The following BCAT1 variants were observed in gnomAD, a reference collection of about 807,000 sequenced individuals.
The protein encoded by BCAT1 is branched-chain-amino-acid aminotransferase, cytosolic.
Under a neutral mutation model 52.4 loss-of-function variants are expected in BCAT1, and 48 were observed. The ratio of observed to expected loss-of-function variants is 0.92; its 90% CI spans 0.73 to 1.16. BCAT1 has a LOEUF of 1.16. Among genes scored for constraint, BCAT1 ranks in the 50% most tolerant of loss-of-function variants. The probability of loss-of-function intolerance (pLI) is 0.00; values close to 1 mark genes in which losing one functional copy is unlikely to be tolerated. For missense variants in BCAT1, 451 were observed against 457.1 expected, an observed-to-expected ratio of 0.99 and a Z score of 0.12; for synonymous variants, 167 against 161.3, an observed-to-expected ratio of 1.04 and a Z score of -0.27.
At chr12:24,858,048 C>T (rs1941743381) in intron 5 of BCAT1, among the ~76,000 whole-genome samples, 1 of 152,136 alleles carries the variant, frequency 6.6e-6, no homozygotes, top group Admixed American at 6.5e-5. Context: ...AAAATGAGAT[C>T]TGTAATTTTG....
At position 24,813,631 on chromosome 12, in the gene BCAT1, T is replaced by C. The variant is rs1044998858; in HGVS notation, c.*4377A>G. On this transcript the variant is annotated 3_prime_UTR_variant, in exon 11 of 11. Transcript: ENST00000261192. ...CATGTACTAGGTTGGTAGTAAATAG[T>C]AAAGAAAGAGAAGGTAATTCACACC... 3 of 152,010 alleles carry C rather than the reference T, an allele frequency of 2.0e-5. No individual in the cohort carries two copies. The highest frequency in any genetic ancestry group is 4.4e-5 in the Non-Finnish European group (3 of 67,924). The allele number at this position is 152,010 out of a possible 1,614,324, so 9.4% of individuals were successfully genotyped here. A position where few individuals can be genotyped will look rare whatever the true frequency, so the allele number is the denominator to read the frequency against.
intron 8 of BCAT1, 138 bp downstream of exon 8, chr12:24,836,373 C>A (rs919637748): frequency 2.7e-6 from 2 of 744,016 alleles, no homozygotes; most frequent in East Asian, 2.7e-5. Flanking sequence ...TAGAAGAATA[C>A]TTTTCATTCA....
At chr12:24,832,931 T>C (rs897719073) in intron 8 of BCAT1, 68 bp from the exon 9 acceptor site, 1 of 1,435,972 alleles carries the variant, frequency 7.0e-7, no homozygotes, top group Non-Finnish European at 9.4e-7. Context: ...TTGCAATACT[T>C]ACTGTTCTGC....
In BCAT1 at chr12:24,897,534, G is replaced by A. The variant is rs980449630; in HGVS notation, c.79-3059C>T. 5.3e-5 allele frequency among the ~76,000 whole-genome samples: 8 copies of A among 152,118 alleles called. No individual in the cohort carries two copies. The East Asian group carries it at 1.2e-3, about 22-fold the overall frequency. On this transcript the variant is annotated intron_variant, in intron 2 of 10. Coordinates refer to ENST00000261192, the MANE Select transcript of BCAT1 (RefSeq NM_005504.7). ...ACTTTCTGATTTGTACCTAAGCACT[G>A]CCCTGTATCCAGTTTTGTTTTGTTT... is the stretch of plus-strand genomic sequence containing the variant.
At chr12:24,829,427 G>A (rs1940552487) in intron 10 of BCAT1, among the ~76,000 whole-genome samples, 1 of 152,132 alleles carries the variant, frequency 6.6e-6, no homozygotes, top group Admixed American at 6.6e-5. Flanking sequence ...TTATATCTCA[G>A]TGTTGGAATC....
At chr12:24,941,752 T>C (rs894149923) in intron 1 of BCAT1, among the ~76,000 whole-genome samples, 1 of 152,212 alleles carries the variant, frequency 6.6e-6, no homozygotes, top group African/African-American at 2.4e-5. Flanking sequence ...GACTTCAAAA[T>C]GTAAATCTAT....
chr12:24,822,037 G>A (rs951348860), intron 10 of BCAT1, among the ~76,000 whole-genome samples: 3 of 152,170 alleles, frequency 2.0e-5, no homozygotes, highest in Non-Finnish European at 4.4e-5. Flanking sequence ...GCAAAGGTGA[G>A]TATGATGGTG....
intron 1 of BCAT1, among the ~76,000 whole-genome samples, chr12:24,944,489 T>C (rs1317537874): frequency 6.6e-6 from 1 of 152,226 alleles, no homozygotes; most frequent in Non-Finnish European, 1.5e-5. Context: ...TGTGGAATGT[T>C]TGGTCTAGAA....
intron 1 of BCAT1, among the ~76,000 whole-genome samples, chr12:24,948,466 T>A (rs1343373406): frequency 3.3e-5 from 5 of 152,070 alleles, no homozygotes; most frequent in Non-Finnish European, 1.5e-5. Flanking sequence ...TCGTTCTCCC[T>A]CCCCTCTCCA....
rs1434384150 is a variant in BCAT1, at chr12:24,811,750, T to C, written c.*6258A>G. ...TCTTAAAAAGAATTTCAAGAATCAC[T>C]ACACAGCTAAGATATCTGAGACTTG... On this transcript the variant is annotated 3_prime_UTR_variant, in exon 11 of 11. Transcript: ENST00000261192. The C allele has an allele frequency of 6.6e-6, 1 of 152,172 alleles. No homozygotes were observed. The highest frequency in any genetic ancestry group is 1.5e-5 in the Non-Finnish European group (1 of 67,992). The allele number at this position is 152,172 out of a possible 1,614,324, so 9.4% of individuals were successfully genotyped here.
chr12:24,901,172 G>A (rs762676516), intron 2 of BCAT1, among the ~76,000 whole-genome samples: 12 of 152,160 alleles, frequency 7.9e-5, no homozygotes, highest in Non-Finnish European at 1.8e-4. Context: ...CAGGATGTGA[G>A]ATCATTAGGA....
At chr12:24,916,294 A>C (rs1175824017) in intron 1 of BCAT1, among the ~76,000 whole-genome samples, 3 of 152,212 alleles carry the variant, frequency 2.0e-5, no homozygotes, top group African/African-American at 7.2e-5. Flanking sequence ...TGGGCCTGTC[A>C]GAAAGTGACA....
chr12:24,948,869 G>A, intron 1 of BCAT1, 58 bp downstream of exon 1: 4 of 1,560,798 alleles, frequency 2.6e-6, no homozygotes, highest in Admixed American at 1.9e-5. Context: ...TGGAGAAATC[G>A]CCGGTTCGAT....
intron 1 of BCAT1, among the ~76,000 whole-genome samples, chr12:24,944,610 T>G (rs1209068553): frequency 2.0e-5 from 3 of 152,366 alleles, no homozygotes; most frequent in Non-Finnish European, 1.5e-5. Context: ...TATCCATTTA[T>G]AGTCAAAACA....
chr12:24,901,115 A>G (rs775178665), intron 2 of BCAT1, among the ~76,000 whole-genome samples: 3 of 152,288 alleles, frequency 2.0e-5, no homozygotes, highest in Admixed American at 1.3e-4. Context: ...AGAGAGCTCA[A>G]TGTGTGAGAA....
At chr12:24,842,530 T>C (rs895146279) in intron 6 of BCAT1, among the ~76,000 whole-genome samples, 1 of 151,530 alleles carries the variant, frequency 6.6e-6, no homozygotes, top group African/African-American at 2.5e-5. Flanking sequence ...AAAGTTACTA[T>C]GTTTCCACAC....
intron 1 of BCAT1, among the ~76,000 whole-genome samples, chr12:24,944,499 A>C (rs936070622): frequency 2.6e-5 from 4 of 152,152 alleles, no homozygotes; most frequent in Admixed American, 1.3e-4. Flanking sequence ...TTGGTCTAGA[A>C]TATCCCAACA....
intron 5 of BCAT1, among the ~76,000 whole-genome samples, chr12:24,869,840 A>C (rs1437760403): frequency 6.6e-6 from 1 of 152,164 alleles, no homozygotes; most frequent in Non-Finnish European, 1.5e-5. Flanking sequence ...GGGTCCTTAG[A>C]TTTTCACTTT....
At chr12:24,874,721 T>C (rs1251073864) in intron 5 of BCAT1, among the ~76,000 whole-genome samples, 1 of 152,228 alleles carries the variant, frequency 6.6e-6, no homozygotes, top group African/African-American at 2.4e-5. Flanking sequence ...GAGTCTCTGA[T>C]CCTGGCTCTA....
Sources: allele counts gnomAD v4.1 joint callset (sites outside exome capture counted in the v4.1 genomes callset), GRCh38; gene constraint gnomAD v4.1.1; transcripts MANE v1.5; gene names NCBI Gene and HGNC (gene_info 2026-07-23, HGNC 2026-07-21).